Variants in PCDHB9 observed in about 807,000 individuals in gnomAD.
The protein encoded by PCDHB9 is protocadherin beta-9.
For synonymous variants in PCDHB9, 501 were observed against 439.7 expected, an observed-to-expected ratio of 1.14 and a Z score of -1.75; for missense variants, 1,072 against 995.1, an observed-to-expected ratio of 1.08 and a Z score of -1.04.
At position 141,189,829 on chromosome 5, in the gene PCDHB9, G is replaced by C; in HGVS notation, c.*117G>C. 9 of 865,606 alleles carry C rather than the reference G, an allele frequency of 1.0e-5. No individual in the cohort carries two copies. The highest frequency in any genetic ancestry group is 3.2e-4 in the Middle Eastern group (1 of 3,158). The allele number at this position is 865,606 out of a possible 1,614,324, so 53.6% of individuals were successfully genotyped here. A position where few individuals can be genotyped will look rare whatever the true frequency, so the allele number is the denominator to read the frequency against. On this transcript the variant is annotated 3_prime_UTR_variant, in exon 1 of 1. Coordinates refer to ENST00000316105, the MANE Select transcript of PCDHB9 (RefSeq NM_019119.5). ...TTTTGTTTGATTCATCTTCAACTTT[G>C]CGTATTATGCTTAACTTCACAAGTT...
Position 141,188,165 on chromosome 5 carries a change from G to A in PCDHB9, c.847G>A (p.Asp283Asn), listed in dbSNP as rs1554282940. ...TGCAGAAGTATCCTATTCATTTTTT[G>A]ATGCTTCTGAAGATATTTTAACAAC... is the stretch of plus-strand genomic sequence containing the variant. ...VNAEVSYSFF[D>N]ASEDILTTFQ... Residue 283 changes from aspartate (D) to asparagine (N), a missense_variant, in exon 1 of 1, where the codon GAT becomes AAT. Transcript: ENST00000316105. 1 of 1,609,828 alleles carries A rather than the reference G, an allele frequency of 6.2e-7. No individual in the cohort carries two copies. Among genetic ancestry groups the A allele is most frequent in the East Asian group, 2.2e-5 (1 of 44,800 alleles).
Position 141,188,227 on chromosome 5 carries a change from C to T in PCDHB9, c.909C>T (p.Leu303=), listed in dbSNP as rs1554282959. The T allele has an allele frequency of 6.2e-7, 1 of 1,613,128 alleles. No homozygotes were observed. Among genetic ancestry groups the T allele is most frequent in the Non-Finnish European group, 8.5e-7 (1 of 1,179,682 alleles). ...ATCCTTTTTCTGGGGAAATCTTTCT[C>T]AGAGAATTGCTTGATTATGAGTTAG... ...QINPFSGEIF[L]RELLDYELVN... The change falls in exon 1 of 1, where the codon CTC becomes CTT. Residue 303 remains leucine, a synonymous_variant. Transcript: ENST00000316105.
In PCDHB9 at chr5:141,188,524, C is replaced by G. The variant is rs781854521; in HGVS notation, c.1206C>G (p.Ile402Met). The change falls in exon 1 of 1, where the codon ATC (isoleucine) becomes ATG (methionine). Residue 402 changes from isoleucine (I) to methionine (M), a missense_variant. Ile to Met is a conservative substitution (Grantham distance 10). Transcript: ENST00000316105. Reference protein sequence around the residue: ...FLKPSVDNFYILMTEGALDRE... With the variant: ...FLKPSVDNFYMLMTEGALDRE... ...AACCGTCTGTTGACAATTTTTACAT[C>G]CTAATGACTGAAGGTGCACTGGACA... 6 of 1,614,184 alleles carry G rather than the reference C, an allele frequency of 3.7e-6. No homozygotes were observed. Among genetic ancestry groups the G allele is most frequent in the South Asian group, 3.3e-5 (3 of 91,088 alleles).
chr5:141,188,074 A>G lies in PCDHB9; in HGVS notation c.756A>G (p.Pro252=). 6.2e-7 allele frequency: 1 copy of G among 1,614,058 alleles called. No individual in the cohort carries two copies. Among genetic ancestry groups the G allele is most frequent in the Non-Finnish European group, 8.5e-7 (1 of 1,179,982 alleles). Residue 252 remains proline (P), a synonymous_variant, in exon 1 of 1, where the codon CCA becomes CCG. Transcript: ENST00000316105. ...AGGCTCTGTATGAGACCCAGGCTCC[A>G]GAAAACAGTCCAGTAGGGTCCCTTA... The part of the protein sequence containing the change: ...FAQALYETQA[P]ENSPVGSLIV...
rs1753877759 is a variant in PCDHB9, at chr5:141,190,515, C to T, written c.*803C>T. On this transcript the variant is annotated 3_prime_UTR_variant, in exon 1 of 1. Coordinates refer to ENST00000316105, the MANE Select transcript of PCDHB9 (RefSeq NM_019119.5). The stretch of plus-strand genomic sequence containing the variant: ...AAACTTTACCTTTTATTTTAAAGTT[C>T]TAGTTTCCCGGCATTGATAGTTCCC... 3 of 151,988 alleles carry T rather than the reference C, an allele frequency of 2.0e-5. No individual in the cohort carries two copies. The highest frequency in any genetic ancestry group is 4.8e-5 in the African/African-American group (2 of 41,334). The allele number at this position is 151,988 out of a possible 1,614,324, so 9.4% of individuals were successfully genotyped here. A position where few individuals can be genotyped will look rare whatever the true frequency, so the allele number is the denominator to read the frequency against.
rs1274956669 is a variant in PCDHB9 at position 141,189,731 on chromosome 5, A to G, written c.*19A>G. 1.3e-6 allele frequency: 2 copies of G among 1,539,092 alleles called. No individual in the cohort carries two copies. The highest frequency in any genetic ancestry group is 1.3e-5 in the South Asian group (1 of 79,966). ...TTATTGAAAGGAACCCACTTAATAA[A>G]GACATTTACTTCTTTAATATATTCT... On this transcript the variant is annotated 3_prime_UTR_variant, in exon 1 of 1. Transcript: ENST00000316105.
In PCDHB9 at chr5:141,187,990, G is replaced by A; in HGVS notation, c.672G>A (p.Gly224=). ...ATGGTGGGTCTCCATCCAGGTCTGGGACCTCCACTATACGCATTGTGGTCT... is the reference window on the plus strand; with the variant it reads ...ATGGTGGGTCTCCATCCAGGTCTGGAACCTCCACTATACGCATTGTGGTCT... The part of the protein sequence containing the change: ...ALDGGSPSRS[G]TSTIRIVVLD... Residue 224 remains glycine (G), a synonymous_variant, in exon 1 of 1, where the codon GGG becomes GGA. Coordinates refer to ENST00000316105, the MANE Select transcript of PCDHB9 (RefSeq NM_019119.5). The A allele has an allele frequency of 1.9e-6, 3 of 1,613,950 alleles. No homozygotes were observed. Among genetic ancestry groups the A allele is most frequent in the Non-Finnish European group, 2.5e-6 (3 of 1,179,968 alleles).
At position 141,188,676 on chromosome 5, in the gene PCDHB9, A is replaced by C; in HGVS notation, c.1358A>C (p.Gln453Pro). Residue 453 changes from glutamine (Q) to proline (P), a missense_variant, in exon 1 of 1, where the codon CAA (glutamine) becomes CCA (proline). By Grantham distance (76) the Gln-to-Pro change is moderately conservative. Coordinates refer to ENST00000316105, the MANE Select transcript of PCDHB9 (RefSeq NM_019119.5). ...DVNDNAPAFT[Q>P]TSYTLFVREN... ...AATGACAACGCCCCCGCCTTCACCC[A>C]AACCTCCTACACCCTGTTCGTCCGG... 1 of 1,613,978 alleles carries C rather than the reference A, an allele frequency of 6.2e-7. No individual in the cohort carries two copies. Among genetic ancestry groups the C allele is most frequent in the South Asian group, 1.1e-5 (1 of 91,076 alleles).
Position 141,189,804 on chromosome 5 carries a change from T to C in PCDHB9, c.*92T>C. 1 of 1,158,930 alleles carries C rather than the reference T, an allele frequency of 8.6e-7. No homozygotes were observed. Among genetic ancestry groups the C allele is most frequent in the Non-Finnish European group, 1.2e-6 (1 of 827,076 alleles). The allele number at this position is 1,158,930 out of a possible 1,614,324, so 71.8% of individuals were successfully genotyped here. ...TGCCCACCACAAAGAAGGTACTATT[T>C]TTTGTTTGATTCATCTTCAACTTTG... On this transcript the variant is annotated 3_prime_UTR_variant, in exon 1 of 1. Transcript: ENST00000316105.
rs1554283101 is a variant in PCDHB9, at chr5:141,188,730, G to T, written c.1412G>T (p.Gly471Val). The T allele has an allele frequency of 2.5e-6, 4 of 1,613,358 alleles. No homozygotes were observed. In the South Asian group the frequency reaches 4.4e-5, roughly 18 times the overall value. The change falls in exon 1 of 1, where the codon GGC becomes GTC. Residue 471 changes from glycine to valine, a missense_variant. Coordinates refer to ENST00000316105, the MANE Select transcript of PCDHB9 (RefSeq NM_019119.5). Reference protein sequence around the residue: ...RENNSPALHIGSVSATDRDSG... With the variant: ...RENNSPALHIVSVSATDRDSG... ...AACAACAGCCCCGCCCTGCACATCG[G>T]CAGTGTCAGCGCCACAGACAGAGAC...
At position 141,187,951 on chromosome 5, in the gene PCDHB9, C is replaced by A. The variant is rs1753779399; in HGVS notation, c.633C>A (p.Thr211=). 2.5e-6 allele frequency: 4 copies of A among 1,614,098 alleles called. No homozygotes were observed. In the Admixed American group the frequency reaches 6.7e-5, roughly 27 times the overall value. ...DREEQEELSL[T]LTALDGGSPS... ...AGGAGCAGGAAGAGCTCAGCTTAAC[C>A]CTCACAGCGCTGGATGGTGGGTCTC... Residue 211 remains threonine (T), a synonymous_variant, in exon 1 of 1, where the codon ACC becomes ACA. Transcript: ENST00000316105.
rs1165755458 is a variant in PCDHB9 at position 141,189,195 on chromosome 5, C to G, written c.1877C>G (p.Thr626Ser). The G allele has an allele frequency of 1.9e-6, 3 of 1,603,480 alleles. No homozygotes were observed. The highest frequency in any genetic ancestry group is 2.5e-6 in the Non-Finnish European group (3 of 1,179,522). ...TGGGCGCACAATGGGGAGGTGCGCA[C>G]CGCCAGGCTGCTGAGCGAGCGCGAC... ...GVWAHNGEVR[T>S]ARLLSERDAA... Residue 626 changes from threonine (T) to serine (S), a missense_variant, in exon 1 of 1, where the codon ACC (threonine) becomes AGC (serine). Physicochemically the swap from Thr to Ser is moderately conservative, Grantham distance 58 (BLOSUM62 1). Coordinates refer to ENST00000316105, the MANE Select transcript of PCDHB9 (RefSeq NM_019119.5).
rs1221865789 is a variant in PCDHB9, at chr5:141,191,373, C to G, written c.*1661C>G. On this transcript the variant is annotated 3_prime_UTR_variant, in exon 1 of 1. Coordinates refer to ENST00000316105, the MANE Select transcript of PCDHB9 (RefSeq NM_019119.5). Reference sequence around the variant, plus strand: ...GTGTTAAGATAGGTGTTAGTGTGGTCTGTTCTTTACCTCCCTTTATTTGGT... The same window carrying G: ...GTGTTAAGATAGGTGTTAGTGTGGTGTGTTCTTTACCTCCCTTTATTTGGT... The G allele has an allele frequency of 1.3e-5, 2 of 152,174 alleles. No individual in the cohort carries two copies. Among genetic ancestry groups the G allele is most frequent in the African/African-American group, 4.8e-5 (2 of 41,426 alleles). 9.4% of individuals were successfully genotyped at this position (152,174 alleles called of 1,614,324 possible). A position where few individuals can be genotyped will look rare whatever the true frequency, so the allele number is the denominator to read the frequency against.
In PCDHB9 at chr5:141,189,641, C is replaced by T; in HGVS notation, c.2323C>T (p.Pro775Ser). 2 of 1,614,092 alleles carry T rather than the reference C, an allele frequency of 1.2e-6. No individual in the cohort carries two copies. The highest frequency in any genetic ancestry group is 2.2e-5 in the South Asian group (2 of 91,070). The change falls in exon 1 of 1, where the codon CCG becomes TCG. Residue 775 changes from proline (P) to serine (S), a missense_variant. Coordinates refer to ENST00000316105, the MANE Select transcript of PCDHB9 (RefSeq NM_019119.5). ...KFLKPITPHL[P>S]PHRGGKEIEE... ...CTTGAAGCCGATTACCCCCCACCTC[C>T]CGCCCCATAGGGGTGGGAAAGAAAT...
In PCDHB9 at chr5:141,188,765, A is replaced by G. The variant is rs1753809574; in HGVS notation, c.1447A>G (p.Asn483Asp). 6.2e-7 allele frequency: 1 copy of G among 1,613,040 alleles called. No individual in the cohort carries two copies. The highest frequency in any genetic ancestry group is 1.3e-5 in the African/African-American group (1 of 74,994). Residue 483 changes from asparagine to aspartate, a missense_variant, in exon 1 of 1, where the codon AAC becomes GAC. Physicochemically the swap from Asn to Asp is conservative, Grantham distance 23. Coordinates refer to ENST00000316105, the MANE Select transcript of PCDHB9 (RefSeq NM_019119.5). ...CGCCACAGACAGAGACTCAGGCACC[A>G]ACGCCCAGGTCACCTACTCGCTGCT... Reference protein sequence around the residue: ...VSATDRDSGTNAQVTYSLLPP... With the variant: ...VSATDRDSGTDAQVTYSLLPP...
Position 141,188,802 on chromosome 5 carries a change from A to T in PCDHB9, c.1484A>T (p.Asp495Val). The T allele has an allele frequency of 1.2e-6, 2 of 1,612,846 alleles. No individual in the cohort carries two copies. The highest frequency in any genetic ancestry group is 1.7e-6 in the Non-Finnish European group (2 of 1,180,006). ...QVTYSLLPPQ[D>V]PHLPLASLVS... ...ACCTACTCGCTGCTGCCGCCCCAGG[A>T]CCCACACCTGCCCCTCGCCTCCCTG... Residue 495 changes from aspartate (D) to valine (V), a missense_variant, in exon 1 of 1, where the codon GAC becomes GTC. Coordinates refer to ENST00000316105, the MANE Select transcript of PCDHB9 (RefSeq NM_019119.5).
At position 141,188,675 on chromosome 5, in the gene PCDHB9, C is replaced by T. The variant is rs1358391788; in HGVS notation, c.1357C>T (p.Gln453Ter). 27 of 1,613,992 alleles carry T rather than the reference C, an allele frequency of 1.7e-5. No homozygotes were observed. Among genetic ancestry groups the T allele is most frequent in the East Asian group, 2.2e-5 (1 of 44,892 alleles). Residue 453 changes from glutamine (Q) to a stop codon, truncating the protein, a stop_gained, in exon 1 of 1, where the codon CAA (glutamine) becomes TAA (stop). Transcript: ENST00000316105. LOFTEE classifies it low-confidence loss of function (END_TRUNC). ...DVNDNAPAFT[Q>*]TSYTLFVREN... Reference sequence around the variant, plus strand: ...CAATGACAACGCCCCCGCCTTCACCCAAACCTCCTACACCCTGTTCGTCCG... The same window carrying T: ...CAATGACAACGCCCCCGCCTTCACCTAAACCTCCTACACCCTGTTCGTCCG...
rs782022867 is a variant in PCDHB9 at position 141,189,623 on chromosome 5, C to A, written c.2305C>A (p.Pro769Thr). ...GACCGGCGAGTTCAAGTTCTTGAAG[C>A]CGATTACCCCCCACCTCCCGCCCCA... ...SETGEFKFLKPITPHLPPHRG... is the reference protein window; with the variant it reads ...SETGEFKFLKTITPHLPPHRG... The change falls in exon 1 of 1, where the codon CCG becomes ACG. Residue 769 changes from proline (P) to threonine (T), a missense_variant. Pro to Thr is a conservative substitution (Grantham distance 38, BLOSUM62 -1). Coordinates refer to ENST00000316105, the MANE Select transcript of PCDHB9 (RefSeq NM_019119.5). 18 of 1,613,976 alleles carry A rather than the reference C, an allele frequency of 1.1e-5. No individual in the cohort carries two copies. The African/African-American group carries it at 1.9e-4, about 17-fold the overall frequency.
At position 141,188,440 on chromosome 5, in the gene PCDHB9, C is replaced by T. The variant is rs1288563559; in HGVS notation, c.1122C>T (p.Asp374=). 1 of 1,614,096 alleles carries T rather than the reference C, an allele frequency of 6.2e-7. No individual in the cohort carries two copies. The highest frequency in any genetic ancestry group is 8.5e-7 in the Non-Finnish European group (1 of 1,180,004). Residue 374 remains aspartate (D), a synonymous_variant, in exon 1 of 1, where the codon GAC becomes GAT. Coordinates refer to ENST00000316105, the MANE Select transcript of PCDHB9 (RefSeq NM_019119.5). ...CTGTTTTTAAGATTAAAGACAGAGA[C>T]TCCGGAGAAAATGGAAAGACAATTT... ...VLAVFKIKDR[D]SGENGKTICY... is the part of the protein sequence containing the mutation.
Sources: allele counts gnomAD v4.1 joint callset, GRCh38; gene constraint gnomAD v4.1.1; transcripts MANE v1.5; gene names NCBI Gene and HGNC (gene_info 2026-07-23, HGNC 2026-07-21).